PTPRD: variants seen among roughly 807,000 people sequenced by gnomAD.
The protein encoded by PTPRD is protein tyrosine phosphatase receptor type D.
A neutral mutation model predicts 214.5 loss-of-function variants in PTPRD; 34 were observed. The observed-to-expected ratio is 0.16, with a 90% confidence interval of 0.12 to 0.21. The LOEUF is 0.21. PTPRD is among the 10% of genes least tolerant of loss of function. The probability of loss-of-function intolerance (pLI) is 1.00; values close to 1 mark genes in which losing one functional copy is unlikely to be tolerated. For synonymous variants in PTPRD, 1,128 were observed against 845.7 expected, an observed-to-expected ratio of 1.33 and a Z score of -5.79; for missense variants, 2,545 against 2,398.7, an observed-to-expected ratio of 1.06 and a Z score of -1.27.
chr9:9,549,441 T>TATC (rs1474433463), intron 8 of PTPRD, among the ~76,000 whole-genome samples: 2 of 152,070 alleles, frequency 1.3e-5, no homozygotes, highest in Non-Finnish European at 2.9e-5. Context: ...CAGCATTAGT[T>TATC]ATCAGGAAGA....
At chr9:9,238,518 G>A (rs1201772192) in intron 9 of PTPRD, among the ~76,000 whole-genome samples, 1 of 152,068 alleles carries the variant, frequency 6.6e-6, no homozygotes, top group African/African-American at 2.4e-5. Context: ...AGAGAAACTG[G>A]AAAATCATTG....
chr9:8,851,803 G>A (rs1012711812), intron 11 of PTPRD, among the ~76,000 whole-genome samples: 10 of 151,670 alleles, frequency 6.6e-5, no homozygotes, highest in Admixed American at 1.3e-4. Flanking sequence ...CATTTCCTCC[G>A]AGAGCTCACA....
At chr9:10,445,023 G>A (rs530063120) in intron 2 of PTPRD, among the ~76,000 whole-genome samples, 63 of 151,966 alleles carry the variant, frequency 4.1e-4, no homozygotes, top group African/African-American at 1.5e-3. Context: ...GAGATGAAGA[G>A]TTCAGTTGAG....
At chr9:8,860,385 C>A (rs146943657) in intron 11 of PTPRD, 1 of 152,218 alleles carries the variant, frequency 6.6e-6, no homozygotes, top group Non-Finnish European at 1.5e-5. Context: ...ATAAGCCCAA[C>A]TTTTCTGACA....
chr9:9,789,000 T>C (rs911502373), intron 5 of PTPRD, among the ~76,000 whole-genome samples: 5 of 152,198 alleles, frequency 3.3e-5, no homozygotes, highest in African/African-American at 1.2e-4. Flanking sequence ...TTCATTAAGT[T>C]TATGTCTATA....
chr9:10,145,285 G>A (rs1466675783), intron 3 of PTPRD, among the ~76,000 whole-genome samples: 1 of 151,892 alleles, frequency 6.6e-6, no homozygotes, highest in South Asian at 2.1e-4. Context: ...TTGTATTGTT[G>A]ACCCTTTAAC....
At chr9:8,350,072 A>G (rs2133127294) in intron 39 of PTPRD, among the ~76,000 whole-genome samples, 1 of 152,216 alleles carries the variant, frequency 6.6e-6, no homozygotes, top group African/African-American at 2.4e-5. Flanking sequence ...CAGTTACAAC[A>G]TTTGTTTTCA....
intron 11 of PTPRD, among the ~76,000 whole-genome samples, chr9:8,756,076 A>C (rs976277400): frequency 6.6e-6 from 1 of 152,246 alleles, no homozygotes; most frequent in Non-Finnish European, 1.5e-5. Flanking sequence ...TGAAGAAAGA[A>C]TCCAAATGGG....
chr9:10,385,352 TC>T (rs955214302), intron 2 of PTPRD, among the ~76,000 whole-genome samples: 27 of 151,814 alleles, frequency 1.8e-4, no homozygotes, highest in African/African-American at 6.5e-4. Context: ...GGTTATTTTT[TC>T]TTGTAGGCTT....
At chr9:8,892,575 A>G (rs2098549257) in intron 11 of PTPRD, among the ~76,000 whole-genome samples, 1 of 150,064 alleles carries the variant, frequency 6.7e-6, no homozygotes, top group South Asian at 2.1e-4. Flanking sequence ...GTGTGTATAT[A>G]TATGTGTGTA....
chr9:8,492,259 C>G (rs1591892916), intron 27 of PTPRD, among the ~76,000 whole-genome samples: 2 of 152,122 alleles, frequency 1.3e-5, no homozygotes, highest in Non-Finnish European at 2.9e-5. Flanking sequence ...GGCAGCTCTT[C>G]TAAGGGGATT....
rs562540229 is a variant in PTPRD, at chr9:9,544,438, C to A, written c.-237+30294G>T. Among the ~76,000 whole-genome samples the A allele has an allele frequency of 1.2e-4, 18 of 151,516 alleles. No homozygotes were observed. In the South Asian group the frequency reaches 3.5e-3, roughly 30 times the overall value. On this transcript the variant is annotated intron_variant, in intron 8 of 45. Transcript: ENST00000381196. ...GGTACATATGACACACATTTCTTAA[C>A]CTTTTTAAGGTTTAGATTTAATTAA...
chr9:10,543,616 T>C (rs2059613603), intron 2 of PTPRD, among the ~76,000 whole-genome samples: 1 of 152,162 alleles, frequency 6.6e-6, no homozygotes. Flanking sequence ...CATTATGTTG[T>C]CTTAAGGCAT....
At chr9:9,913,386 T>C (rs1304326302) in intron 5 of PTPRD, among the ~76,000 whole-genome samples, 1 of 152,050 alleles carries the variant, frequency 6.6e-6, no homozygotes, top group African/African-American at 2.4e-5. Context: ...AAAAGTGCTT[T>C]AAGATCAAAT....
chr9:9,892,492 T>C (rs1219138832), intron 5 of PTPRD, among the ~76,000 whole-genome samples: 3 of 152,048 alleles, frequency 2.0e-5, no homozygotes, highest in African/African-American at 4.8e-5. Context: ...TTTGAAGATA[T>C]AGCACAGAAA....
chr9:10,337,314 TAGATACA>T lies in PTPRD; in HGVS notation c.-545+3642_-545+3648del, dbSNP rs2096860962. On this transcript the variant is annotated intron_variant, in intron 3 of 45. Coordinates refer to ENST00000381196, the MANE Select transcript of PTPRD (RefSeq NM_002839.4). The stretch of plus-strand genomic sequence containing the variant: ...TAAAGGGTGAGTATACATGTATATA[TAGATACA>T]AGATACAGATATGCTATTCAACGTA... Among the ~76,000 whole-genome samples, 3 of 151,688 alleles carry T rather than the reference TAGATACA, an allele frequency of 2.0e-5. No individual in the cohort carries two copies. In the Admixed American group the frequency reaches 2.0e-4, roughly 10 times the overall value.
chr9:9,300,250 T>C (rs553584993), intron 9 of PTPRD, among the ~76,000 whole-genome samples: 5 of 151,644 alleles, frequency 3.3e-5, no homozygotes, highest in Admixed American at 6.6e-5. Context: ...TAAAATGACC[T>C]ACAGGGCCTC....
intron 8 of PTPRD, among the ~76,000 whole-genome samples, chr9:9,457,372 T>G (rs2093158115): frequency 6.6e-6 from 1 of 152,052 alleles, no homozygotes; most frequent in African/African-American, 2.4e-5. Flanking sequence ...TCTTGGGCAC[T>G]GTTATAATTC....
chr9:10,140,179 C>T (rs2154266220), intron 3 of PTPRD, among the ~76,000 whole-genome samples: 1 of 151,874 alleles, frequency 6.6e-6, no homozygotes, highest in Non-Finnish European at 1.5e-5. Flanking sequence ...TATGTCATAT[C>T]CAGAATCTAT....
Sources: gnomAD v4.1 joint callset for allele counts (sites outside exome capture counted in the v4.1 genomes callset) on GRCh38, gnomAD v4.1.1 for gene constraint, MANE v1.5 for transcripts, NCBI Gene and HGNC (gene_info 2026-07-23, HGNC 2026-07-21) for gene names.